Variants in SRGAP3 observed in about 807,000 individuals in gnomAD.
The protein encoded by SRGAP3 is SLIT-ROBO Rho GTPase activating protein 3, also known as SLIT-ROBO Rho GTPase-activating protein 3.
SRGAP3 carries 39 observed loss-of-function variants against 121.1 expected under a neutral mutation model. The ratio of observed to expected loss-of-function variants is 0.32; its 90% CI spans 0.25 to 0.42. The LOEUF is 0.42. SRGAP3 is among the 10% of genes least tolerant of loss of function. The pLI, the probability that SRGAP3 is intolerant of heterozygous loss-of-function variation, is 1.00. For missense variants in SRGAP3, 1,213 were observed against 1,470.6 expected, an observed-to-expected ratio of 0.82 and a Z score of 2.86; for synonymous variants, 601 against 570.0, an observed-to-expected ratio of 1.05 and a Z score of -0.77.
intron 3 of SRGAP3, among the ~76,000 whole-genome samples, chr3:9,267,843 GC>G: frequency 6.6e-6 from 1 of 152,298 alleles, no homozygotes; most frequent in African/African-American, 2.4e-5. Flanking sequence ...AATTTAGGAA[GC>G]CCCAACAAGG....
At chr3:9,090,940 A>G (rs1008503318) in intron 3 of SRGAP3, among the ~76,000 whole-genome samples, 8 of 152,128 alleles carry the variant, frequency 5.3e-5, no homozygotes, top group African/African-American at 1.7e-4. Context: ...CCCAGCCTGA[A>G]AAGCTCTGTT....
chr3:8,985,243 T>C lies in SRGAP3; in HGVS notation c.*276A>G, dbSNP rs776224749. The C allele has an allele frequency of 3.7e-6, 2 of 542,778 alleles. No individual in the cohort carries two copies. Among genetic ancestry groups the C allele is most frequent in the Non-Finnish European group, 6.4e-6 (2 of 312,994 alleles). The allele number at this position is 542,778 out of a possible 1,614,324, so 33.6% of individuals were successfully genotyped here. Reference sequence around the variant, plus strand: ...ACGATATGCGGGAGAAGCCATGTGGTATTTTGCCTCCATGTTAGGGAATGC... The same window carrying C: ...ACGATATGCGGGAGAAGCCATGTGGCATTTTGCCTCCATGTTAGGGAATGC... On this transcript the variant is annotated 3_prime_UTR_variant, in exon 22 of 22. Transcript: ENST00000383836. The surrounding 1 kb of genome is among the most constrained non-coding windows in gnomAD (Gnocchi z 5.1).
intron 3 of SRGAP3, among the ~76,000 whole-genome samples, chr3:9,311,551 T>C (rs1955247434): frequency 6.6e-6 from 1 of 152,198 alleles, no homozygotes. Flanking sequence ...AATATACCAA[T>C]GAATGCGTGT....
intron 7 of SRGAP3, among the ~76,000 whole-genome samples, chr3:9,057,032 C>A (rs1016379913): frequency 6.6e-6 from 1 of 152,200 alleles, no homozygotes; most frequent in Admixed American, 6.5e-5. Context: ...CAGGCACCTG[C>A]CACCATGCCC....
chr3:9,202,895 T>TCAG (rs879463479), intron 1 of SRGAP3, among the ~76,000 whole-genome samples: 92 of 152,294 alleles, frequency 6.0e-4, no homozygotes, highest in Non-Finnish European at 9.1e-4. Context: ...TTCCTTTCCT[T>TCAG]TTGTGGGAAA....
At chr3:9,283,746 AC>A (rs1954721391) in intron 3 of SRGAP3, among the ~76,000 whole-genome samples, 1 of 152,236 alleles carries the variant, frequency 6.6e-6, no homozygotes, top group South Asian at 2.1e-4. Flanking sequence ...CACAAAATGA[AC>A]ACATGTTAAA....
chr3:9,299,530 C>T (rs553355769), intron 3 of SRGAP3, among the ~76,000 whole-genome samples: 13 of 152,206 alleles, frequency 8.5e-5, no homozygotes, highest in East Asian at 1.9e-4. Context: ...TATCATAAAA[C>T]GCTGGTGGTA....
At chr3:9,094,476 G>A (rs1947888918) in intron 3 of SRGAP3, among the ~76,000 whole-genome samples, 1 of 152,076 alleles carries the variant, frequency 6.6e-6, no homozygotes, top group South Asian at 2.1e-4. Flanking sequence ...GAATATCTTT[G>A]GGTTATATTT....
intron 18 of SRGAP3, among the ~76,000 whole-genome samples, chr3:9,001,777 G>T (rs58698381): frequency 6.6e-6 from 1 of 151,882 alleles, no homozygotes; most frequent in Admixed American, 6.5e-5. Context: ...TACTAATATC[G>T]ATAAAATAGA....
At chr3:9,344,226 G>A (rs148434146) in intron 1 of SRGAP3, among the ~76,000 whole-genome samples, 9,676 of 152,130 alleles carry the variant, frequency 0.064, 1,055 homozygotes, top group African/African-American at 0.22. Flanking sequence ...AGGCCGAGGC[G>A]GGCGGATCAC....
chr3:9,282,564 C>G (rs145174793), intron 3 of SRGAP3, among the ~76,000 whole-genome samples: 392 of 152,206 alleles, frequency 2.6e-3, no homozygotes, highest in African/African-American at 8.9e-3. Flanking sequence ...GATCTCAGCT[C>G]ACTGCAACCT....
chr3:9,290,290 A>G (rs567757546), intron 3 of SRGAP3, among the ~76,000 whole-genome samples: 1 of 152,338 alleles, frequency 6.6e-6, no homozygotes. Context: ...TGTTTACAAC[A>G]GGAGGATAAG....
intron 4 of SRGAP3, among the ~76,000 whole-genome samples, chr3:9,070,963 G>C (rs1295105171): frequency 1.3e-5 from 2 of 152,128 alleles, no homozygotes; most frequent in Admixed American, 6.5e-5. Flanking sequence ...AAGGCTTCCC[G>C]GAGGAAGTGA....
At chr3:9,050,670 T>C (rs1309601881) in intron 9 of SRGAP3, among the ~76,000 whole-genome samples, 1 of 152,202 alleles carries the variant, frequency 6.6e-6, no homozygotes. Context: ...TAACTTCGAG[T>C]AGGCCAAACT....
intron 10 of SRGAP3, 43 bp downstream of exon 10, chr3:9,047,348 G>C (rs1945339290): frequency 6.3e-7 from 1 of 1,598,850 alleles, no homozygotes; most frequent in Non-Finnish European, 8.6e-7. Flanking sequence ...AGAGCCAGTG[G>C]GGAACGCAGC....
chr3:8,993,204 G>T (rs1167146108), intron 19 of SRGAP3, 149 bp from the exon 20 acceptor site: 2 of 1,296,326 alleles, frequency 1.5e-6, no homozygotes, highest in Non-Finnish European at 2.2e-6. Context: ...TGCCCACTGG[G>T]TGCCTTCCCA....
intron 14 of SRGAP3, among the ~76,000 whole-genome samples, chr3:9,022,711 G>A (rs1320196165): frequency 1.3e-5 from 2 of 152,208 alleles, no homozygotes; most frequent in Admixed American, 6.5e-5. Flanking sequence ...ATACTAGAAC[G>A]ATTCTTTCAG....
intron 1 of SRGAP3, among the ~76,000 whole-genome samples, chr3:9,214,631 T>C (rs1952554783): frequency 6.6e-6 from 1 of 152,186 alleles, no homozygotes. Flanking sequence ...TAGACAATTA[T>C]GTAAAATGAG....
At chr3:9,089,308 G>GGGGGGGGGGGC (rs1560120751) in intron 3 of SRGAP3, among the ~76,000 whole-genome samples, 1 of 40,246 alleles carries the variant, frequency 2.5e-5, no homozygotes, top group Non-Finnish European at 5.8e-5. Context: ...GGGGGGGGGG[G>GGGGGGGGGGGC]CTGGAGGCTC....
Sources: gnomAD v4.1 joint callset for allele counts (sites outside exome capture counted in the v4.1 genomes callset) on GRCh38, gnomAD v4.1.1 for gene constraint, Gnocchi (gnomAD v3.1) non-coding constraint, MANE v1.5 for transcripts, NCBI Gene and HGNC (gene_info 2026-07-23, HGNC 2026-07-21) for gene names.